Variants in SNTB1 observed in about 807,000 individuals in gnomAD.
SNTB1 encodes the protein beta-1-syntrophin.
Under a neutral mutation model 48.9 loss-of-function variants are expected in SNTB1, and 36 were observed. That is an observed-to-expected ratio of 0.74 (90% confidence interval 0.56 to 0.97). The LOEUF is 0.97. SNTB1 is among the 50% of genes least tolerant of loss of function. The pLI is 0.00. For synonymous variants in SNTB1, 299 were observed against 294.6 expected (o/e 1.01, Z -0.15); for missense variants, 786 against 703.4 (o/e 1.12, Z -1.33).
At chr8:120,692,035 T>C (rs1029176879) in intron 2 of SNTB1, among the ~76,000 whole-genome samples, 11 of 152,190 alleles carry the variant, frequency 7.2e-5, no homozygotes, top group African/African-American at 2.4e-4. Context: ...GTGGACCAGC[T>C]ATGAGCTCTG....
chr8:120,805,234 C>CCA (rs1317190304), intron 1 of SNTB1, among the ~76,000 whole-genome samples: 2 of 151,934 alleles, frequency 1.3e-5, no homozygotes, highest in East Asian at 1.9e-4. Flanking sequence ...CCCACCCTCT[C>CCA]CTCCAAACAC....
At chr8:120,703,969 C>T (rs1236349574) in intron 1 of SNTB1, among the ~76,000 whole-genome samples, 1 of 152,160 alleles carries the variant, frequency 6.6e-6, no homozygotes, top group African/African-American at 2.4e-5. Flanking sequence ...GTGACTTGCC[C>T]ACAGTCACAC....
intron 5 of SNTB1, among the ~76,000 whole-genome samples, chr8:120,542,613 C>T (rs1815307252): frequency 6.6e-6 from 1 of 152,050 alleles, no homozygotes; most frequent in Non-Finnish European, 1.5e-5. Context: ...GAGATTGCTC[C>T]ACTGTACTCC....
intron 3 of SNTB1, among the ~76,000 whole-genome samples, chr8:120,576,145 C>A (rs570269650): frequency 2.6e-5 from 4 of 152,292 alleles, no homozygotes; most frequent in South Asian, 4.2e-4. Context: ...CAGGCCCATC[C>A]AGATCTGTTG....
intron 1 of SNTB1, among the ~76,000 whole-genome samples, chr8:120,747,121 A>C (rs999210410): frequency 6.6e-6 from 1 of 152,148 alleles, no homozygotes; most frequent in African/African-American, 2.4e-5. Context: ...ACATGGTCTT[A>C]TTTATTATTT....
intron 4 of SNTB1, among the ~76,000 whole-genome samples, chr8:120,552,698 C>G (rs192588606): frequency 6.6e-6 from 1 of 152,082 alleles, no homozygotes; most frequent in Non-Finnish European, 1.5e-5. Context: ...GACTGGTTTC[C>G]CCACCTTTTG....
chr8:120,590,948 G>A (rs761817100), intron 3 of SNTB1, among the ~76,000 whole-genome samples: 7 of 152,130 alleles, frequency 4.6e-5, no homozygotes, highest in Non-Finnish European at 7.4e-5. Context: ...GCCTCCCAAA[G>A]TGCTGGAATT....
At chr8:120,767,390 G>A (rs1819544722) in intron 1 of SNTB1, among the ~76,000 whole-genome samples, 1 of 152,072 alleles carries the variant, frequency 6.6e-6, no homozygotes, top group African/African-American at 2.4e-5. Flanking sequence ...CTTTATAATT[G>A]TACAACAGTG....
At chr8:120,552,026 G>A (rs1446454560) in intron 4 of SNTB1, among the ~76,000 whole-genome samples, 1 of 152,066 alleles carries the variant, frequency 6.6e-6, no homozygotes, top group East Asian at 1.9e-4. Context: ...TCCATCCAGA[G>A]GACATCAACT....
intron 3 of SNTB1, among the ~76,000 whole-genome samples, chr8:120,587,583 T>C (rs534314175): frequency 6.6e-6 from 1 of 152,356 alleles, no homozygotes; most frequent in East Asian, 1.9e-4. Context: ...CTTGCTGAAC[T>C]CTGAGCAACT....
chr8:120,675,591 A>G (rs1483251775), intron 2 of SNTB1, among the ~76,000 whole-genome samples: 1 of 152,190 alleles, frequency 6.6e-6, no homozygotes, highest in Non-Finnish European at 1.5e-5. Context: ...CTCAGCCCAG[A>G]AGTGCACACA....
chr8:120,678,947 G>T (rs1011241623), intron 2 of SNTB1, among the ~76,000 whole-genome samples: 4 of 152,136 alleles, frequency 2.6e-5, no homozygotes. Context: ...GGAAGAAAAA[G>T]GTTGGGGTAC....
chr8:120,597,681 G>A (rs1457334165), intron 3 of SNTB1, among the ~76,000 whole-genome samples: 2 of 152,236 alleles, frequency 1.3e-5, no homozygotes, highest in Non-Finnish European at 2.9e-5. Flanking sequence ...GTAAGAATAT[G>A]GGAGCAGCAT....
chr8:120,652,839 A>G (rs939006772), intron 2 of SNTB1, among the ~76,000 whole-genome samples: 1 of 152,144 alleles, frequency 6.6e-6, no homozygotes, highest in African/African-American at 2.4e-5. Context: ...TAAATGGGGG[A>G]AAAAACTACA....
At chr8:120,760,408 T>C (rs1434570001) in intron 1 of SNTB1, among the ~76,000 whole-genome samples, 1 of 151,774 alleles carries the variant, frequency 6.6e-6, no homozygotes, top group Admixed American at 6.6e-5. Context: ...ATACAAAGAA[T>C]TATATCTTAC....
intron 2 of SNTB1, among the ~76,000 whole-genome samples, chr8:120,633,473 C>T (rs995511250): frequency 8.6e-5 from 13 of 151,998 alleles, no homozygotes; most frequent in Admixed American, 5.9e-4. Flanking sequence ...GGCATGATGG[C>T]GGGTGCCTGT....
chr8:120,578,036 G>T (rs1587004553), intron 3 of SNTB1, among the ~76,000 whole-genome samples: 1 of 152,014 alleles, frequency 6.6e-6, no homozygotes, highest in Admixed American at 6.6e-5. Flanking sequence ...ACAGGGATTT[G>T]TTTGTTTTGT....
intron 1 of SNTB1, among the ~76,000 whole-genome samples, chr8:120,791,728 CG>C (rs1353451909): frequency 6.6e-6 from 1 of 151,612 alleles, no homozygotes; most frequent in Non-Finnish European, 1.5e-5. Flanking sequence ...CAGGGAAATG[CG>C]AATTAAAATT....
rs369431796 is a variant in SNTB1 at position 120,562,876 on chromosome 8, AAAAAAG to A, written c.1136+12204_1136+12209del. 1.9e-3 allele frequency among the ~76,000 whole-genome samples: 283 copies of A among 151,812 alleles called. 1 individual carries two copies. The highest frequency in any genetic ancestry group is 6.2e-3 in the East Asian group (32 of 5,172). On this transcript the variant is annotated intron_variant, in intron 4 of 6. Coordinates refer to ENST00000517992, the MANE Select transcript of SNTB1 (RefSeq NM_021021.4). ...TCACAATAACCCTTGCTACCGCTCA[AAAAAAG>A]AAAAAGAAAAAGAAAAAGAAAAAGA...
Sources: gnomAD v4.1 joint callset for allele counts (sites outside exome capture counted in the v4.1 genomes callset) on GRCh38, gnomAD v4.1.1 for gene constraint, MANE v1.5 for transcripts, NCBI Gene and HGNC (gene_info 2026-07-23, HGNC 2026-07-21) for gene names.